Variants in GMDS observed in about 807,000 individuals in gnomAD.
The protein encoded by GMDS is GDP-mannose 4,6-dehydratase, also known as GDP-mannose 4,6 dehydratase.
A neutral mutation model predicts 49.9 loss-of-function variants in GMDS; 20 were observed. The observed-to-expected ratio is 0.40, with a 90% CI of 0.28 to 0.58. The LOEUF (loss-of-function observed/expected upper bound fraction) is 0.58. Ranked by LOEUF, GMDS falls within the 20% of genes least tolerant of loss-of-function variation. The probability of loss-of-function intolerance (pLI) is 0.42; values close to 1 mark genes in which losing one functional copy is unlikely to be tolerated. For missense variants in GMDS, 362 were observed against 481.4 expected, an observed-to-expected ratio of 0.75 and a Z score of 2.32; for synonymous variants, 177 against 178.6, an observed-to-expected ratio of 0.99 and a Z score of 0.07.
At chr6:2,049,988 C>T (rs750781998) in intron 4 of GMDS, among the ~76,000 whole-genome samples, 8 of 152,052 alleles carry the variant, frequency 5.3e-5, no homozygotes, top group African/African-American at 9.7e-5. Flanking sequence ...CAAGAGCAAA[C>T]AAATTCAAAA....
rs984119171 is a variant in GMDS at position 1,998,707 on chromosome 6, C to T, written c.346-37741G>A. On this transcript the variant is annotated intron_variant, in intron 4 of 10. Transcript: ENST00000380815. The stretch of plus-strand genomic sequence containing the variant: ...ATTAGGTATTATAAGTTATCTAAGA[C>T]GATTTGAAAAATACAGCAGGATGTA... Among the ~76,000 whole-genome samples the T allele has an allele frequency of 4.6e-5, 7 of 152,106 alleles. No homozygotes were observed. The East Asian group carries it at 5.8e-4, about 13-fold the overall frequency.
intron 7 of GMDS, among the ~76,000 whole-genome samples, chr6:1,823,054 CT>C (rs1770960753): frequency 6.6e-6 from 1 of 152,090 alleles, no homozygotes; most frequent in African/African-American, 2.4e-5. Context: ...ATTCCAGTGG[CT>C]TTTTGTACTT....
At chr6:1,763,592 T>C (rs1384025649) in intron 7 of GMDS, among the ~76,000 whole-genome samples, 1 of 152,238 alleles carries the variant, frequency 6.6e-6, no homozygotes, top group Non-Finnish European at 1.5e-5. Flanking sequence ...CCTTCCTCTT[T>C]TCTTTCACAT....
At chr6:2,147,850 T>C (rs1489320022) in intron 1 of GMDS, among the ~76,000 whole-genome samples, 1 of 148,170 alleles carries the variant, frequency 6.7e-6, no homozygotes, top group Non-Finnish European at 1.5e-5. Flanking sequence ...CTGAGCATAC[T>C]AGATAATTCC....
intron 7 of GMDS, among the ~76,000 whole-genome samples, chr6:1,787,840 C>G (rs1410587905): frequency 2.6e-5 from 4 of 152,140 alleles, no homozygotes; most frequent in Admixed American, 6.5e-5. Flanking sequence ...CTTTTTAACC[C>G]TAAGGTTTTG....
intron 7 of GMDS, among the ~76,000 whole-genome samples, chr6:1,800,152 C>T (rs996797502): frequency 6.6e-6 from 1 of 152,026 alleles, no homozygotes; most frequent in Non-Finnish European, 1.5e-5. Flanking sequence ...TCTTCCTTCT[C>T]GACAAGGTCT....
intron 7 of GMDS, among the ~76,000 whole-genome samples, chr6:1,841,112 A>G (rs1236404112): frequency 1.3e-5 from 2 of 152,180 alleles, no homozygotes; most frequent in Non-Finnish European, 2.9e-5. Context: ...TTTGTTGACT[A>G]ATGTTTTATA....
intron 4 of GMDS, among the ~76,000 whole-genome samples, chr6:1,975,164 T>A: frequency 6.6e-6 from 1 of 152,058 alleles, no homozygotes; most frequent in East Asian, 1.9e-4. Flanking sequence ...GCACACCACA[T>A]AAAGGAATAA....
chr6:2,229,408 CAAAAAAAAAA>C (rs1210456971), intron 1 of GMDS, among the ~76,000 whole-genome samples: 1 of 89,272 alleles, frequency 1.1e-5, no homozygotes, highest in Non-Finnish European at 2.5e-5. Flanking sequence ...CCTGTTTCTA[CAAAAAAAAAA>C]AAAAAAAAAA....
chr6:1,907,964 G>A (rs1417732389), intron 7 of GMDS, among the ~76,000 whole-genome samples: 1 of 152,126 alleles, frequency 6.6e-6, no homozygotes, highest in African/African-American at 2.4e-5. Flanking sequence ...TTAAAAATTA[G>A]ACACAGTAAG....
intron 7 of GMDS, among the ~76,000 whole-genome samples, chr6:1,751,292 C>A (rs1170798122): frequency 2.0e-5 from 3 of 152,170 alleles, no homozygotes; most frequent in African/African-American, 7.2e-5. Flanking sequence ...TACCTCCTAG[C>A]AGGGGTTGAC....
chr6:1,778,236 G>A lies in GMDS; in HGVS notation c.772-35650C>T, dbSNP rs999214915. Among the ~76,000 whole-genome samples the A allele has an allele frequency of 6.6e-6, 1 of 152,184 alleles. No homozygotes were observed. Among genetic ancestry groups the A allele is most frequent in the Non-Finnish European group, 1.5e-5 (1 of 68,036 alleles). ...GGATGACTATTTATATGACAGGTAA[G>A]GGAATAACTTTGCTGGATTCTGTTA... On this transcript the variant is annotated intron_variant, in intron 7 of 10. Transcript: ENST00000380815. The surrounding 1 kb of genome is among the most constrained non-coding windows in gnomAD (Gnocchi z 4.6).
At chr6:1,697,807 T>C (rs973171691) in intron 9 of GMDS, among the ~76,000 whole-genome samples, 4 of 152,186 alleles carry the variant, frequency 2.6e-5, no homozygotes, top group Non-Finnish European at 5.9e-5. Context: ...ACTAAAACAA[T>C]GCAAGCTCAC....
intron 1 of GMDS, among the ~76,000 whole-genome samples, chr6:2,157,754 G>C (rs1440544526): frequency 1.3e-5 from 2 of 152,188 alleles, no homozygotes; most frequent in Non-Finnish European, 2.9e-5. Flanking sequence ...CCTGTTTTGT[G>C]AAAGAGAGCC....
chr6:2,059,508 A>C (rs551870756), intron 4 of GMDS, among the ~76,000 whole-genome samples: 1 of 149,968 alleles, frequency 6.7e-6, no homozygotes, highest in Non-Finnish European at 1.5e-5. Context: ...GGAGATCGAG[A>C]CCATCCTGGC....
chr6:1,863,852 C>T (rs1004525321), intron 7 of GMDS, among the ~76,000 whole-genome samples: 1 of 151,960 alleles, frequency 6.6e-6, no homozygotes, highest in African/African-American at 2.4e-5. Context: ...TCACAAATTA[C>T]CAAACTTTAA....
chr6:2,050,746 T>A (rs1343253273), intron 4 of GMDS, among the ~76,000 whole-genome samples: 19 of 152,138 alleles, frequency 1.2e-4, no homozygotes, highest in Admixed American at 8.5e-4. Context: ...ATAAACGTAA[T>A]CCATCACATA....
At chr6:1,876,108 A>T (rs1338394098) in intron 7 of GMDS, among the ~76,000 whole-genome samples, 1 of 151,240 alleles carries the variant, frequency 6.6e-6, no homozygotes. Context: ...TGTTAAAAAA[A>T]TTGGCTGGGT....
intron 7 of GMDS, among the ~76,000 whole-genome samples, chr6:1,899,119 T>C (rs1307495328): frequency 6.6e-6 from 1 of 152,246 alleles, no homozygotes; most frequent in Non-Finnish European, 1.5e-5. Flanking sequence ...TCTCTCCCTC[T>C]TCCTCCTTTT....
Sources: allele counts gnomAD v4.1 joint callset (sites outside exome capture counted in the v4.1 genomes callset), GRCh38; gene constraint gnomAD v4.1.1; non-coding constraint Gnocchi (gnomAD v3.1); transcripts MANE v1.5; gene names NCBI Gene and HGNC (gene_info 2026-07-23, HGNC 2026-07-21).